RABL6: variants seen among roughly 807,000 people sequenced by gnomAD.
RABL6 encodes the protein rab-like protein 6.
Under a neutral mutation model 72.9 loss-of-function variants are expected in RABL6, and 28 were observed. The observed-to-expected ratio is 0.38, with a 90% CI of 0.28 to 0.53. RABL6 has a LOEUF of 0.53. Ranked by LOEUF, RABL6 falls within the 20% of genes least tolerant of loss-of-function variation. RABL6 has a pLI of 0.80. For missense variants in RABL6, 1,029 were observed against 1,008.4 expected (o/e 1.02, Z -0.28); for synonymous variants, 477 against 421.2 (o/e 1.13, Z -1.62).
At chr9:136,810,521 T>A (rs554554454) in intron 1 of RABL6, among the ~76,000 whole-genome samples, 7 of 152,204 alleles carry the variant, frequency 4.6e-5, no homozygotes, top group Non-Finnish European at 1.0e-4. Flanking sequence ...ATAGAAAGTT[T>A]CTAGTATTTC....
chr9:136,823,784 C>A, intron 2 of RABL6, 125 bp downstream of exon 2: 1 of 1,269,968 alleles, frequency 7.9e-7, no homozygotes, highest in Non-Finnish European at 1.0e-6. Flanking sequence ...AGGGACCCTG[C>A]TGACGTGGGG....
intron 1 of RABL6, chr9:136,822,157 C>T (rs528207855): frequency 1.9e-5 from 22 of 1,183,068 alleles, no homozygotes; most frequent in Non-Finnish European, 2.3e-5. Context: ...CGGGCGCCCT[C>T]TGCGTTGGGA....
At chr9:136,838,111 G>GC (rs1212782159) in intron 10 of RABL6, 96 bp downstream of exon 10, 4 of 1,426,092 alleles carry the variant, frequency 2.8e-6, no homozygotes, top group Non-Finnish European at 2.9e-6. Context: ...CGCAGAAGGG[G>GC]CCCCCCGCCG....
At chr9:136,825,249 T>G (rs1036576494) in intron 2 of RABL6, among the ~76,000 whole-genome samples, 3 of 152,236 alleles carry the variant, frequency 2.0e-5, no homozygotes, top group Non-Finnish European at 4.4e-5. Flanking sequence ...TAGAGGCCAG[T>G]CACTGGATGA....
At chr9:136,810,777 G>A (rs184548216) in intron 1 of RABL6, among the ~76,000 whole-genome samples, 2 of 152,288 alleles carry the variant, frequency 1.3e-5, no homozygotes, top group African/African-American at 4.8e-5. Context: ...TCCTGACCTC[G>A]TGATCTGCCC....
intron 1 of RABL6, chr9:136,812,848 C>T: frequency 3.1e-6 from 1 of 324,176 alleles, no homozygotes; most frequent in Non-Finnish European, 6.1e-6. Flanking sequence ...AGCTGCCTCG[C>T]CCACCAAAGC....
At chr9:136,831,667 G>C (rs1339751661) in intron 5 of RABL6, 54 bp from the exon 6 acceptor site, 2 of 1,603,044 alleles carry the variant, frequency 1.2e-6, no homozygotes, top group Non-Finnish European at 8.5e-7. Context: ...TTTCCAGGGA[G>C]GGACAGGGCG....
Position 136,840,504 on chromosome 9 carries a change from C to T in RABL6, c.2172C>T (p.Gly724=), listed in dbSNP as rs906182073. The T allele has an allele frequency of 5.4e-5, 80 of 1,472,288 alleles. No individual in the cohort carries two copies. The African/African-American group carries it at 6.0e-4, about 11-fold the overall frequency. The allele number at this position is 1,472,288 out of a possible 1,614,324, so 91.2% of individuals were successfully genotyped here. ...CGGGCGGCCGCCACCCTGGGGGTGG[C>T]GACTACGAGGAGCTCTAGGCCGGCG... The part of the protein sequence containing the change: ...GAPGGRHPGG[G]DYEEL Residue 724 remains glycine (G), a synonymous_variant, in exon 15 of 15, where the codon GGC becomes GGT. Transcript: ENST00000311502.
chr9:136,807,955 G>C lies in RABL6; in HGVS notation c.-242G>C. ...CCCGCCGAGCCGGCGCCAAGATGGC[G>C]GCGCTGACTCCTGGAGAGCGGTCGC... On this transcript the variant is annotated 5_prime_UTR_variant, in exon 1 of 15. Transcript: ENST00000311502. 1 of 1,000,394 alleles carries C rather than the reference G, an allele frequency of 1.0e-6. No homozygotes were observed. The highest frequency in any genetic ancestry group is 1.2e-6 in the Non-Finnish European group (1 of 841,490). 62.0% of individuals were successfully genotyped at this position (1,000,394 alleles called of 1,614,324 possible). A position where few individuals can be genotyped will look rare whatever the true frequency, so the allele number is the denominator to read the frequency against.
At chr9:136,811,742 T>C (rs1848016765) in intron 1 of RABL6, among the ~76,000 whole-genome samples, 1 of 152,122 alleles carries the variant, frequency 6.6e-6, no homozygotes, top group East Asian at 1.9e-4. Flanking sequence ...TCCGAACCCC[T>C]TGGCCTCCCA....
rs1160013894 is a variant in RABL6, at chr9:136,808,560, C to T, written c.130+234C>T. On this transcript the variant is annotated intron_variant, in intron 1 of 14. Coordinates refer to ENST00000311502, the MANE Select transcript of RABL6 (RefSeq NM_024718.5). ...CGGGTCGTTTCCCAGCCGCACTCGCCTGCCGCGTGTCGCTCCCGCCGCGCT... is the reference window on the plus strand; with the variant it reads ...CGGGTCGTTTCCCAGCCGCACTCGCTTGCCGCGTGTCGCTCCCGCCGCGCT... 1.5e-5 allele frequency: 4 copies of T among 270,748 alleles called. No homozygotes were observed. The East Asian group carries it at 2.1e-4, about 14-fold the overall frequency. 16.8% of individuals were successfully genotyped at this position (270,748 alleles called of 1,614,324 possible). A position where few individuals can be genotyped will look rare whatever the true frequency, so the allele number is the denominator to read the frequency against.
Position 136,840,998 on chromosome 9 carries a change from C to A in RABL6, c.*476C>A. On this transcript the variant is annotated 3_prime_UTR_variant, in exon 15 of 15. Coordinates refer to ENST00000311502, the MANE Select transcript of RABL6 (RefSeq NM_024718.5). Reference sequence around the variant, plus strand: ...GGGTGTGCAGACTCACCCTAAAGGGCGGCCCAGGCCCCACGCTAGAAGGCT... The same window carrying A: ...GGGTGTGCAGACTCACCCTAAAGGGAGGCCCAGGCCCCACGCTAGAAGGCT... The A allele has an allele frequency of 6.9e-7, 1 of 1,440,536 alleles. No individual in the cohort carries two copies. Among genetic ancestry groups the A allele is most frequent in the Non-Finnish European group, 9.1e-7 (1 of 1,093,876 alleles). The allele number at this position is 1,440,536 out of a possible 1,614,324, so 89.2% of individuals were successfully genotyped here.
Position 136,841,162 on chromosome 9 carries a change from C to G in RABL6, c.*640C>G. 1.3e-6 allele frequency: 1 copy of G among 751,948 alleles called. No homozygotes were observed. The highest frequency in any genetic ancestry group is 3.7e-5 in the Admixed American group (1 of 27,034). The allele number at this position is 751,948 out of a possible 1,614,324, so 46.6% of individuals were successfully genotyped here. A position where few individuals can be genotyped will look rare whatever the true frequency, so the allele number is the denominator to read the frequency against. On this transcript the variant is annotated 3_prime_UTR_variant, in exon 15 of 15. Transcript: ENST00000311502. The stretch of plus-strand genomic sequence containing the variant: ...ACTCCTCCCAAACACTCCACTCAGA[C>G]CATAAAGCACTCCTGTTTCACTCTG...
rs748879632 is a variant in RABL6 at position 136,840,627 on chromosome 9, G to T, written c.*105G>T. The T allele has an allele frequency of 2.3e-5, 36 of 1,549,496 alleles. No homozygotes were observed. Among genetic ancestry groups the T allele is most frequent in the Non-Finnish European group, 3.1e-5 (35 of 1,146,836 alleles). On this transcript the variant is annotated 3_prime_UTR_variant, in exon 15 of 15. Transcript: ENST00000311502. ...CCTTTGCCGCTGCCCCGTGGCTGCC[G>T]TGTGCGCTTCTGAGCTGGAAGAGGC... is the stretch of plus-strand genomic sequence containing the variant.
chr9:136,822,545 G>C (rs1848260649), intron 1 of RABL6, among the ~76,000 whole-genome samples: 1 of 152,174 alleles, frequency 6.6e-6, no homozygotes, highest in Non-Finnish European at 1.5e-5. Context: ...ACCTCCGCAG[G>C]CTGGGTGTTC....
intron 2 of RABL6, among the ~76,000 whole-genome samples, 155 bp from the exon 3 acceptor site, chr9:136,825,624 C>T (rs895584423): frequency 1.3e-5 from 2 of 152,154 alleles, no homozygotes; most frequent in African/African-American, 2.4e-5. Context: ...GCCATGTGGT[C>T]GTCTGGGGAG....
chr9:136,837,942 T>A lies in RABL6; in HGVS notation c.1207T>A (p.Phe403Ile), dbSNP rs1350070080. 6.4e-7 allele frequency: 1 copy of A among 1,562,892 alleles called. No individual in the cohort carries two copies. Among genetic ancestry groups the A allele is most frequent in the Non-Finnish European group, 8.7e-7 (1 of 1,154,498 alleles). ...FVPDDRLDRS[F>I]LEDTTPARDE... ...TCCTGACGACCGCCTGGACCGCAGC[T>A]TCCTGGAAGACACAACCCCCGCCAG... Residue 403 changes from phenylalanine (F) to isoleucine (I), a missense_variant, in exon 10 of 15, where the codon TTC (phenylalanine) becomes ATC (isoleucine). Physicochemically the swap from Phe to Ile is conservative, Grantham distance 21. Coordinates refer to ENST00000311502, the MANE Select transcript of RABL6 (RefSeq NM_024718.5).
chr9:136,829,315 A>G, intron 4 of RABL6, 78 bp from the exon 5 acceptor site: 2 of 1,069,020 alleles, frequency 1.9e-6, no homozygotes, highest in Non-Finnish European at 2.8e-6. Flanking sequence ...AAGACTATCC[A>G]GCCTTTTCTA....
rs746453187 is a variant in RABL6 at position 136,837,924 on chromosome 9, G to A, written c.1189G>A (p.Asp397Asn). The part of the protein sequence containing the change: ...VQSVEDFVPD[D>N]RLDRSFLEDT... ...GAGTGTGGAGGACTTTGTTCCTGAC[G>A]ACCGCCTGGACCGCAGCTTCCTGGA... Residue 397 changes from aspartate to asparagine, a missense_variant, in exon 10 of 15, where the codon GAC (aspartate) becomes AAC (asparagine). Coordinates refer to ENST00000311502, the MANE Select transcript of RABL6 (RefSeq NM_024718.5). 8.4e-6 allele frequency: 13 copies of A among 1,554,762 alleles called. No homozygotes were observed. The highest frequency in any genetic ancestry group is 2.4e-5 in the South Asian group (2 of 84,304).
Sources: allele counts gnomAD v4.1 joint callset (sites outside exome capture counted in the v4.1 genomes callset), GRCh38; gene constraint gnomAD v4.1.1; transcripts MANE v1.5; gene names NCBI Gene and HGNC (gene_info 2026-07-23, HGNC 2026-07-21).